The following GABRB2 variants were observed in gnomAD, a reference collection of about 807,000 sequenced individuals.
GABRB2 encodes gamma-aminobutyric acid receptor subunit beta-2.
In GABRB2, 16 loss-of-function variants were observed where a neutral mutation model predicts 54.7. The ratio of observed to expected loss-of-function variants is 0.29; its 90% CI spans 0.20 to 0.44. GABRB2 has a LOEUF of 0.44. Ranked by LOEUF, GABRB2 falls within the 20% of genes least tolerant of loss-of-function variation. The pLI, the probability that GABRB2 is intolerant of heterozygous loss-of-function variation, is 1.00. For missense variants in GABRB2, 355 were observed against 644.0 expected (o/e 0.55, Z 4.86); for synonymous variants, 244 against 233.8 (o/e 1.04, Z -0.40).
rs201397195 is a variant in GABRB2, at chr5:161,326,406, T to C, written c.1153A>G (p.Thr385Ala). ...LWDPTGNLSP[T>A]RRTTNYDFSL... is the part of the protein sequence containing the mutation. ...AAATCGTAATTGGTAGTCCGTCTAGTTGGGGAGAGGTTTCCAGTAGGGTCC... is the reference window on the plus strand; with the variant it reads ...AAATCGTAATTGGTAGTCCGTCTAGCTGGGGAGAGGTTTCCAGTAGGGTCC... The change falls in exon 9 of 10, where the codon ACT (threonine) becomes GCT (alanine). Residue 385 changes from threonine to alanine, a missense_variant. By Grantham distance (58) the Thr-to-Ala change is moderately conservative. Coordinates refer to ENST00000393959, the MANE Select transcript of GABRB2 (RefSeq NM_001371727.1). The C allele has an allele frequency of 2.5e-6, 4 of 1,613,490 alleles. No individual in the cohort carries two copies. Among genetic ancestry groups the C allele is most frequent in the Non-Finnish European group, 2.5e-6 (3 of 1,179,656 alleles).
chr5:161,423,631 T>C (rs1729255710), intron 4 of GABRB2, among the ~76,000 whole-genome samples: 1 of 151,898 alleles, frequency 6.6e-6, no homozygotes, highest in African/African-American at 2.4e-5. Flanking sequence ...GCCATACCTA[T>C]CTCTCTCTCT....
intron 3 of GABRB2, among the ~76,000 whole-genome samples, chr5:161,492,653 G>A (rs535961548): frequency 6.6e-6 from 1 of 151,240 alleles, no homozygotes; most frequent in African/African-American, 2.4e-5. Context: ...GACATATTTG[G>A]TCATAAATTC....
chr5:161,365,622 A>G (rs1180472952), intron 5 of GABRB2, among the ~76,000 whole-genome samples: 1 of 152,158 alleles, frequency 6.6e-6, no homozygotes, highest in Non-Finnish European at 1.5e-5. Flanking sequence ...CTATTAGAAA[A>G]ACATAATTGT....
chr5:161,384,706 G>C (rs1755570809), intron 5 of GABRB2, among the ~76,000 whole-genome samples: 1 of 152,142 alleles, frequency 6.6e-6, no homozygotes, highest in Non-Finnish European at 1.5e-5. Flanking sequence ...GACAACATAA[G>C]AGAGTTTTCT....
At chr5:161,512,256 T>C (rs1759796404) in intron 3 of GABRB2, among the ~76,000 whole-genome samples, 1 of 151,630 alleles carries the variant, frequency 6.6e-6, no homozygotes. Flanking sequence ...TCATATGGAA[T>C]GAAAAAAAGA....
chr5:161,378,640 T>C (rs1755377310), intron 5 of GABRB2, among the ~76,000 whole-genome samples: 1 of 152,184 alleles, frequency 6.6e-6, no homozygotes, highest in Non-Finnish European at 1.5e-5. Flanking sequence ...TGGGAATTTC[T>C]AAGAGTAGAT....
At chr5:161,337,329 A>T (rs1754023007) in intron 5 of GABRB2, among the ~76,000 whole-genome samples, 1 of 152,200 alleles carries the variant, frequency 6.6e-6, no homozygotes, top group Non-Finnish European at 1.5e-5. Flanking sequence ...AAGAAGAATC[A>T]TCTGTTCAAT....
intron 5 of GABRB2, among the ~76,000 whole-genome samples, chr5:161,389,571 A>AGTGTGTGTGTGTGTGT: frequency 6.9e-6 from 1 of 145,932 alleles, no homozygotes; most frequent in Middle Eastern, 3.4e-3. Context: ...ATGTTTGTGG[A>AGTGTGTGTGTGTGTGT]GTGTGTGTGT....
intron 4 of GABRB2, among the ~76,000 whole-genome samples, chr5:161,425,644 T>G (rs1461212963): frequency 1.3e-5 from 2 of 152,142 alleles, no homozygotes; most frequent in Admixed American, 1.3e-4. Context: ...GATATTTGCT[T>G]TATTGCAGTG....
chr5:161,534,989 G>T (rs1463055661), intron 3 of GABRB2, among the ~76,000 whole-genome samples: 2 of 152,162 alleles, frequency 1.3e-5, no homozygotes, highest in Non-Finnish European at 2.9e-5. Flanking sequence ...AAACTACTGA[G>T]ACAGCTTACA....
rs866745765 is a variant in GABRB2, at chr5:161,292,152, G to T, written c.*1929C>A. 1 of 152,156 alleles carries T rather than the reference G, an allele frequency of 6.6e-6. No individual in the cohort carries two copies. The highest frequency in any genetic ancestry group is 1.5e-5 in the Non-Finnish European group (1 of 68,016). The allele number at this position is 152,156 out of a possible 1,614,324, so 9.4% of individuals were successfully genotyped here. ...AAATTCAGAAAGCTGAAGGATAAAG[G>T]TTTGTTGTTGTTCTTGGACAGCTGG... is the stretch of plus-strand genomic sequence containing the variant. On this transcript the variant is annotated 3_prime_UTR_variant, in exon 10 of 10. Coordinates refer to ENST00000393959, the MANE Select transcript of GABRB2 (RefSeq NM_001371727.1).
intron 5 of GABRB2, among the ~76,000 whole-genome samples, chr5:161,362,486 A>G (rs893970046): frequency 5.3e-5 from 8 of 152,142 alleles, no homozygotes; most frequent in African/African-American, 1.7e-4. Context: ...CTTCATGACT[A>G]AAACACCAAA....
Position 161,448,737 on chromosome 5 carries a change from G to A in GABRB2, c.458+10887C>T, listed in dbSNP as rs1042673469. On this transcript the variant is annotated intron_variant, in intron 4 of 9. Transcript: ENST00000393959. ...CTATATTGCATGTAGCTTTTACTTG[G>A]ACTTGGTCGTTCAGAAAAGTGTAAC... Among the ~76,000 whole-genome samples, 3 of 152,070 alleles carry A rather than the reference G, an allele frequency of 2.0e-5. No individual in the cohort carries two copies. The South Asian group carries it at 6.2e-4, about 32-fold the overall frequency.
rs1211651797 is a variant in GABRB2, at chr5:161,289,211, A to G, written c.*4870T>C. On this transcript the variant is annotated 3_prime_UTR_variant, in exon 10 of 10. Transcript: ENST00000393959. ...ATTTTACTTCAATTTCCAAAAACCTAGTAGCTTTTTAAGAGTGCTGCTTTT... is the reference window on the plus strand; with the variant it reads ...ATTTTACTTCAATTTCCAAAAACCTGGTAGCTTTTTAAGAGTGCTGCTTTT... 1 of 135,356 alleles carries G rather than the reference A, an allele frequency of 7.4e-6. No homozygotes were observed. The highest frequency in any genetic ancestry group is 2.7e-5 in the African/African-American group (1 of 36,486). 8.4% of individuals were successfully genotyped at this position (135,356 alleles called of 1,614,324 possible).
chr5:161,459,535 T>C, intron 4 of GABRB2, 89 bp downstream of exon 4: 1 of 1,101,340 alleles, frequency 9.1e-7, no homozygotes, highest in Non-Finnish European at 1.4e-6. Context: ...TGAAGAAAGA[T>C]AAGGAAAATA....
chr5:161,315,844 A>T (rs901631891), intron 9 of GABRB2, among the ~76,000 whole-genome samples: 2 of 152,184 alleles, frequency 1.3e-5, no homozygotes, highest in Admixed American at 6.5e-5. Flanking sequence ...TTATAGATGC[A>T]TCATTTTTAG....
At chr5:161,476,961 C>G (rs1415646663) in intron 3 of GABRB2, among the ~76,000 whole-genome samples, 4 of 151,636 alleles carry the variant, frequency 2.6e-5, no homozygotes, top group Non-Finnish European at 5.9e-5. Context: ...TTATGCATAC[C>G]AAATGAAACA....
chr5:161,547,601 C>T (rs1761028152), upstream of GABRB2, among the ~76,000 whole-genome samples: 1 of 152,028 alleles, frequency 6.6e-6, no homozygotes, highest in Non-Finnish European at 1.5e-5. Context: ...AGCAGAAAGG[C>T]AATGCTGTCT....
chr5:161,328,629 G>C (rs780572820), intron 8 of GABRB2, among the ~76,000 whole-genome samples: 4 of 152,084 alleles, frequency 2.6e-5, no homozygotes, highest in Non-Finnish European at 5.9e-5. Flanking sequence ...TCTTACACAT[G>C]CTGCTCAAAG....
Sources: gnomAD v4.1 joint callset for allele counts (sites outside exome capture counted in the v4.1 genomes callset) on GRCh38, gnomAD v4.1.1 for gene constraint, MANE v1.5 for transcripts, NCBI Gene and HGNC (gene_info 2026-07-23, HGNC 2026-07-21) for gene names.